PDSS2: variants seen among roughly 807,000 people sequenced by gnomAD.
PDSS2 encodes the protein all trans-polyprenyl-diphosphate synthase PDSS2.
Under a neutral mutation model 44.5 loss-of-function variants are expected in PDSS2, and 31 were observed. That is an observed-to-expected ratio of 0.70 (90% CI 0.52 to 0.94). PDSS2 has a LOEUF of 0.94. Ranked by LOEUF, PDSS2 falls within the 40% of genes least tolerant of loss-of-function variation. The pLI is 0.00. For synonymous variants in PDSS2, 157 were observed against 180.3 expected, an observed-to-expected ratio of 0.87 and a Z score of 1.03; for missense variants, 452 against 482.2, an observed-to-expected ratio of 0.94 and a Z score of 0.59.
intron 1 of PDSS2, among the ~76,000 whole-genome samples, chr6:107,353,988 T>C (rs1387432431): frequency 2.6e-5 from 4 of 152,236 alleles, no homozygotes; most frequent in African/African-American, 4.8e-5. Context: ...AGAGTGGTCA[T>C]GTTTGTTTCT....
intron 4 of PDSS2, among the ~76,000 whole-genome samples, chr6:107,217,573 C>T (rs1249261020): frequency 6.6e-6 from 1 of 152,054 alleles, no homozygotes; most frequent in Non-Finnish European, 1.5e-5. Flanking sequence ...CTCTCAGCTT[C>T]CCTCTTAGTG....
chr6:107,341,744 T>C (rs1000685595), intron 1 of PDSS2, among the ~76,000 whole-genome samples: 1 of 152,202 alleles, frequency 6.6e-6, no homozygotes, highest in Non-Finnish European at 1.5e-5. Flanking sequence ...GGGCCAGTAG[T>C]TGTAAGCTTC....
intron 1 of PDSS2, among the ~76,000 whole-genome samples, chr6:107,336,152 G>C (rs112020342): frequency 0.015 from 2,258 of 151,776 alleles, 60 homozygotes; most frequent in African/African-American, 0.053. Flanking sequence ...CTACTCAGGG[G>C]GCTGAGGCAG....
intron 1 of PDSS2, among the ~76,000 whole-genome samples, chr6:107,438,098 T>C (rs1008494110): frequency 3.9e-5 from 6 of 152,320 alleles, no homozygotes; most frequent in Middle Eastern, 6.8e-3. Context: ...AAGGTGGATA[T>C]GGAATATTAG....
chr6:107,264,494 G>C, intron 3 of PDSS2: 1 of 1,543,114 alleles, frequency 6.5e-7, no homozygotes, highest in Non-Finnish European at 8.8e-7. Flanking sequence ...ATAGCAATAG[G>C]TCCATTAAAT....
chr6:107,217,990 A>G (rs138185086), intron 4 of PDSS2, among the ~76,000 whole-genome samples: 1 of 152,298 alleles, frequency 6.6e-6, no homozygotes, highest in East Asian at 1.9e-4. Flanking sequence ...ATCCACCACT[A>G]TCATTCACTA....
intron 1 of PDSS2, among the ~76,000 whole-genome samples, chr6:107,405,907 T>C (rs186024904): frequency 6.7e-6 from 1 of 150,170 alleles, no homozygotes; most frequent in Admixed American, 6.6e-5. Context: ...CTGAACCAAC[T>C]ATATGCTGCT....
chr6:107,298,694 T>C (rs891930815), intron 2 of PDSS2, among the ~76,000 whole-genome samples: 2 of 152,232 alleles, frequency 1.3e-5, no homozygotes, highest in Non-Finnish European at 2.9e-5. Context: ...GATGCATACA[T>C]ACATACATAG....
chr6:107,298,497 G>C (rs1776584478), intron 2 of PDSS2, among the ~76,000 whole-genome samples: 1 of 152,088 alleles, frequency 6.6e-6, no homozygotes, highest in African/African-American at 2.4e-5. Flanking sequence ...TTTTATATCA[G>C]GGACTTGAGC....
chr6:107,351,457 T>C (rs1193256446), intron 1 of PDSS2, among the ~76,000 whole-genome samples: 2 of 152,204 alleles, frequency 1.3e-5, no homozygotes, highest in African/African-American at 4.8e-5. Context: ...ACTAGCAAAT[T>C]ATCAACAGAT....
At chr6:107,277,633 C>T (rs186758934) in intron 2 of PDSS2, among the ~76,000 whole-genome samples, 28 of 152,086 alleles carry the variant, frequency 1.8e-4, no homozygotes, top group Admixed American at 6.6e-4. Flanking sequence ...CCTAGGACAC[C>T]GCCTTAGACA....
chr6:107,222,424 G>A (rs1773638623), intron 4 of PDSS2, among the ~76,000 whole-genome samples: 1 of 151,980 alleles, frequency 6.6e-6, no homozygotes, highest in Middle Eastern at 3.2e-3. Flanking sequence ...GGAGGCCGAG[G>A]TGGGTGGATC....
chr6:107,225,565 G>A (rs187507832), intron 4 of PDSS2, among the ~76,000 whole-genome samples: 1 of 152,164 alleles, frequency 6.6e-6, no homozygotes, highest in Middle Eastern at 3.4e-3. Context: ...TGCACAAGGC[G>A]TACAAGGAGG....
At chr6:107,440,870 G>A (rs555646589) in intron 1 of PDSS2, among the ~76,000 whole-genome samples, 1 of 152,310 alleles carries the variant, frequency 6.6e-6, no homozygotes, top group South Asian at 2.1e-4. Flanking sequence ...TCTAAGCTGG[G>A]CCACCAATGG....
In PDSS2 at chr6:107,154,469, A is replaced by C; in HGVS notation, c.*150T>G. On this transcript the variant is annotated 3_prime_UTR_variant, in exon 8 of 8. Coordinates refer to ENST00000369037, the MANE Select transcript of PDSS2 (RefSeq NM_020381.4). ...CTAATTTTGTTTGTAGCAGTTCCAA[A>C]AAGAAAGCAGAACTCATTTAGCAAT... 1.3e-6 allele frequency: 1 copy of C among 748,334 alleles called. No homozygotes were observed. Among genetic ancestry groups the C allele is most frequent in the Non-Finnish European group, 2.2e-6 (1 of 449,014 alleles). The allele number at this position is 748,334 out of a possible 1,614,324, so 46.4% of individuals were successfully genotyped here. A position where few individuals can be genotyped will look rare whatever the true frequency, so the allele number is the denominator to read the frequency against.
intron 5 of PDSS2, among the ~76,000 whole-genome samples, chr6:107,210,856 T>TGGGG (rs34209518): frequency 1.1e-4 from 16 of 150,748 alleles, no homozygotes; most frequent in African/African-American, 3.2e-4. Flanking sequence ...AAACAAAAAT[T>TGGGG]GGGGGGGGTT....
At chr6:107,381,203 T>TA (rs1453573670) in intron 1 of PDSS2, among the ~76,000 whole-genome samples, 1 of 152,176 alleles carries the variant, frequency 6.6e-6, no homozygotes, top group Non-Finnish European at 1.5e-5. Flanking sequence ...AACCAGGTAA[T>TA]AAGGTGCTTT....
At chr6:107,346,766 A>G (rs1394860420) in intron 1 of PDSS2, among the ~76,000 whole-genome samples, 1 of 152,256 alleles carries the variant, frequency 6.6e-6, no homozygotes, top group Non-Finnish European at 1.5e-5. Context: ...GGAACAATAA[A>G]TTAGAATTAG....
chr6:107,451,536 T>C (rs1194627490), intron 1 of PDSS2, among the ~76,000 whole-genome samples: 1 of 152,168 alleles, frequency 6.6e-6, no homozygotes, highest in African/African-American at 2.4e-5. Flanking sequence ...CTCTGGAATG[T>C]GCACAGACTT....
Sources: gnomAD v4.1 joint callset for allele counts (sites outside exome capture counted in the v4.1 genomes callset) on GRCh38, gnomAD v4.1.1 for gene constraint, MANE v1.5 for transcripts, NCBI Gene and HGNC (gene_info 2026-07-23, HGNC 2026-07-21) for gene names.